OAT: variants seen among roughly 807,000 people sequenced by gnomAD.
OAT encodes the protein ornithine aminotransferase.
OAT carries 35 observed loss-of-function variants against 48.4 expected under a neutral mutation model. That is an observed-to-expected ratio of 0.72 (90% confidence interval 0.55 to 0.96). The LOEUF (loss-of-function observed/expected upper bound fraction) is 0.96. OAT is among the 40% of genes least tolerant of loss of function. OAT has a pLI of 0.00. For synonymous variants in OAT, 182 were observed against 198.4 expected (o/e 0.92, Z 0.70); for missense variants, 438 against 537.9 (o/e 0.81, Z 1.84).
At chr10:124,418,530 G>A (rs1418942656) in intron 1 of OAT, among the ~76,000 whole-genome samples, 4 of 152,214 alleles carry the variant, frequency 2.6e-5, no homozygotes, top group Admixed American at 2.6e-4. Context: ...GGTCTGGCAG[G>A]CGGGGCTGCC....
intron 1 of OAT, among the ~76,000 whole-genome samples, chr10:124,416,236 A>C (rs890745454): frequency 6.6e-6 from 1 of 152,154 alleles, no homozygotes; most frequent in Non-Finnish European, 1.5e-5. Flanking sequence ...TTCACTTTGC[A>C]TTCCTAGAAC....
chr10:124,398,631 A>G (rs1344315312), intron 9 of OAT, among the ~76,000 whole-genome samples: 1 of 146,908 alleles, frequency 6.8e-6, no homozygotes, highest in African/African-American at 2.6e-5. Flanking sequence ...GACATATCAT[A>G]GTTTTTCATA....
Position 124,404,019 on chromosome 10 carries a change from T to C in OAT, c.649-99A>G, listed in dbSNP as rs1032148665. ...ACATATTTTACATTAAGTATGCAAA[T>C]CAAGTTTTCGCACTAACGTAAATTC... is the stretch of plus-strand genomic sequence containing the variant. On this transcript the variant is annotated intron_variant, in intron 5 of 9. Transcript: ENST00000368845. The C allele has an allele frequency of 5.5e-6, 8 of 1,466,048 alleles. No individual in the cohort carries two copies. The African/African-American group carries it at 7.0e-5, about 13-fold the overall frequency. 90.8% of individuals were successfully genotyped at this position (1,466,048 alleles called of 1,614,324 possible).
chr10:124,412,708 C>T (rs57167940), intron 1 of OAT, among the ~76,000 whole-genome samples: 3 of 152,074 alleles, frequency 2.0e-5, no homozygotes, highest in African/African-American at 7.2e-5. Context: ...GCTCAGGAGG[C>T]TGAGGCGGGA....
chr10:124,401,019 C>T, intron 8 of OAT, 35 bp from the exon 9 acceptor site: 1 of 1,559,286 alleles, frequency 6.4e-7, no homozygotes, highest in Non-Finnish European at 8.8e-7. Flanking sequence ...AATATTAAGA[C>T]TGTCCTTTTT....
rs2134450654 is a variant in OAT at position 124,400,925 on chromosome 10, A to G, written c.1074T>C (p.Asn358=). The change falls in exon 9 of 10, where the codon AAT becomes AAC. Residue 358 remains asparagine (N), a synonymous_variant. Transcript: ENST00000368845. ...NADKLGIILR[N]ELMKLPSDVV... ...CATCAGAAGGTAGCTTCATGAGTTC[A>G]TTTCTCAAGATAATGCCCAATTTGT... 1.9e-6 allele frequency: 3 copies of G among 1,610,024 alleles called. No homozygotes were observed. The highest frequency in any genetic ancestry group is 1.1e-5 in the South Asian group (1 of 90,896).
Position 124,403,004 on chromosome 10 carries a change from A to G in OAT, c.823T>C (p.Trp275Arg). ...IQTGLARTGRWLAVDYENVRP... is the reference protein window; with the variant it reads ...IQTGLARTGRRLAVDYENVRP... ...ACATTTTCATAATCAACAGCCAGCC[A>G]TCTACCAGTTCTGGCCAATCCTGTC... Residue 275 changes from tryptophan (W) to arginine (R), a missense_variant, in exon 7 of 10, where the codon TGG becomes CGG. Transcript: ENST00000368845. 1 of 1,614,142 alleles carries G rather than the reference A, an allele frequency of 6.2e-7. No homozygotes were observed. Among genetic ancestry groups the G allele is most frequent in the Non-Finnish European group, 8.5e-7 (1 of 1,179,996 alleles).
intron 7 of OAT, among the ~76,000 whole-genome samples, chr10:124,402,048 G>GTTATTTATGTATTTATTTATTTAT (rs1951429468): frequency 6.6e-6 from 1 of 151,194 alleles, no homozygotes; most frequent in African/African-American, 2.4e-5. Context: ...CACCACACAT[G>GTTATTTATGTATTTATTTATTTAT]TTATTTATTT....
At chr10:124,407,568 C>A in intron 4 of OAT, 1 of 405,140 alleles carries the variant, frequency 2.5e-6, no homozygotes, top group Non-Finnish European at 3.3e-6. Flanking sequence ...CCTCAAATAC[C>A]AATCACCTCT....
In OAT at chr10:124,403,030, T is replaced by C; in HGVS notation, c.797A>G (p.Gln266Arg). The C allele has an allele frequency of 6.2e-7, 1 of 1,614,178 alleles. No individual in the cohort carries two copies. The highest frequency in any genetic ancestry group is 8.5e-7 in the Non-Finnish European group (1 of 1,180,020). Reference protein sequence around the residue: ...HQVLFIADEIQTGLARTGRWL... With the variant: ...HQVLFIADEIRTGLARTGRWL... ...TCTACCAGTTCTGGCCAATCCTGTC[T>C]GTATTTCATCAGCAATAAAGAGAAC... is the stretch of plus-strand genomic sequence containing the variant. Residue 266 changes from glutamine to arginine, a missense_variant, in exon 7 of 10, where the codon CAG becomes CGG. Coordinates refer to ENST00000368845, the MANE Select transcript of OAT (RefSeq NM_000274.4).
At position 124,415,074 on chromosome 10, in the gene OAT, TAAAAAAAAAAAAAAAAA is replaced by T. The variant is rs75952005; in HGVS notation, c.-29-2891_-29-2875del. On this transcript the variant is annotated intron_variant, in intron 1 of 9. Transcript: ENST00000368845. The stretch of plus-strand genomic sequence containing the variant: ...CACTCCAGCCTGGGCTACAAAGCGC[TAAAAAAAAAAAAAAAAA>T]AAAAAAAAAAAAAAAAAAAAGGAAT... 1.6e-3 allele frequency: 27 copies of T among 16,858 alleles called. 1 individual carries two copies. Among genetic ancestry groups the T allele is most frequent in the Middle Eastern group, 0.031 (1 of 32 alleles). The allele number at this position is 16,858 out of a possible 1,614,324, so 1.0% of individuals were successfully genotyped here. A position where few individuals can be genotyped will look rare whatever the true frequency, so the allele number is the denominator to read the frequency against.
chr10:124,399,335 ATTC>A (rs755819365), intron 9 of OAT, among the ~76,000 whole-genome samples: 29,145 of 98,244 alleles, frequency 0.3, 3,740 homozygotes, highest in South Asian at 0.33. Context: ...TCCCCAGGTG[ATTC>A]TTTTTTTTTT....
intron 1 of OAT, chr10:124,414,377 GA>G (rs1951851822): frequency 6.6e-6 from 1 of 152,146 alleles, no homozygotes; most frequent in Non-Finnish European, 1.5e-5. Flanking sequence ...GTTCAGTCTA[GA>G]ATACAGATTT....
chr10:124,399,857 C>T (rs765677135), intron 9 of OAT, among the ~76,000 whole-genome samples: 8 of 152,140 alleles, frequency 5.3e-5, no homozygotes, highest in Non-Finnish European at 8.8e-5. Context: ...GCTCCTATAA[C>T]CTCTACTGAC....
chr10:124,407,091 TA>T, intron 4 of OAT: 2 of 985,484 alleles, frequency 2.0e-6, no homozygotes, highest in Middle Eastern at 5.2e-4. Flanking sequence ...ATCTCGTTTC[TA>T]AATACTATTC....
intron 1 of OAT, among the ~76,000 whole-genome samples, chr10:124,412,934 T>C (rs144783960): frequency 6.6e-6 from 1 of 152,232 alleles, no homozygotes; most frequent in African/African-American, 2.4e-5. Context: ...CAGCTACAAC[T>C]GTAGGGCAGA....
rs540163851 is a variant in OAT, at chr10:124,404,456, G to C, written c.649-536C>G. ...CTAATTTTTTTTTGTATTTTTAGTA[G>C]AGACAGGGTTTCACCACTGTCTCTG... On this transcript the variant is annotated intron_variant, in intron 5 of 9. Coordinates refer to ENST00000368845, the MANE Select transcript of OAT (RefSeq NM_000274.4). Among the ~76,000 whole-genome samples, 7 of 151,934 alleles carry C rather than the reference G, an allele frequency of 4.6e-5. No homozygotes were observed. The South Asian group carries it at 8.3e-4, about 18-fold the overall frequency.
intron 5 of OAT, among the ~76,000 whole-genome samples, chr10:124,404,786 G>A (rs1951524950): frequency 1.3e-5 from 2 of 152,166 alleles, no homozygotes; most frequent in Admixed American, 1.3e-4. Flanking sequence ...GCTCATGCCT[G>A]TCACCCCAGC....
At chr10:124,400,225 G>A (rs558416477) in intron 9 of OAT, among the ~76,000 whole-genome samples, 9 of 152,126 alleles carry the variant, frequency 5.9e-5, no homozygotes, top group South Asian at 4.1e-4. Context: ...TGAGGCAGGC[G>A]GATCACGAGG....
Sources: allele counts gnomAD v4.1 joint callset (sites outside exome capture counted in the v4.1 genomes callset), GRCh38; gene constraint gnomAD v4.1.1; transcripts MANE v1.5; gene names NCBI Gene and HGNC (gene_info 2026-07-23, HGNC 2026-07-21).